The following GRK3 variants were observed in gnomAD, a reference collection of about 807,000 sequenced individuals.
The protein encoded by GRK3 is G protein-coupled receptor kinase 3.
In GRK3, 54 loss-of-function variants were observed where a neutral mutation model predicts 95.7. That is an observed-to-expected ratio of 0.56 (90% CI 0.45 to 0.71). The LOEUF (loss-of-function observed/expected upper bound fraction) is 0.71, where lower values mean the gene tolerates loss of function less well. Ranked by LOEUF, GRK3 falls within the 30% of genes least tolerant of loss-of-function variation. The pLI is 0.00. For synonymous variants in GRK3, 281 were observed against 290.8 expected (o/e 0.97, Z 0.34); for missense variants, 649 against 851.2 (o/e 0.76, Z 2.96).
chr22:25,616,725 TA>T (rs2084542026), intron 2 of GRK3, among the ~76,000 whole-genome samples: 1 of 152,156 alleles, frequency 6.6e-6, no homozygotes, highest in South Asian at 2.1e-4. Context: ...TGTAAGAAAT[TA>T]TGTTGCAGTA....
At chr22:25,627,520 A>T (rs1168676455) in intron 2 of GRK3, among the ~76,000 whole-genome samples, 1 of 152,206 alleles carries the variant, frequency 6.6e-6, no homozygotes, top group Non-Finnish European at 1.5e-5. Context: ...ATAGCCCGTT[A>T]ATCTTTCCAA....
At position 25,711,095 on chromosome 22, in the gene GRK3, G is replaced by A. The variant is rs2146464375; in HGVS notation, c.1423G>A (p.Gly475Arg). Residue 475 changes from glycine (G) to arginine (R), a missense_variant, in exon 17 of 21, where the codon GGA becomes AGA. Gly to Arg is a moderately radical substitution (Grantham distance 125). Coordinates refer to ENST00000324198, the MANE Select transcript of GRK3 (RefSeq NM_005160.4). ...KYPPPLIPPR[G>R]EVNAADAFDI... ...CCCACCACCCTTGATTCCTCCCCGG[G>A]GAGAAGTCAATGCTGCTGATGCCTT... 1 of 1,613,696 alleles carries A rather than the reference G, an allele frequency of 6.2e-7. No individual in the cohort carries two copies. The highest frequency in any genetic ancestry group is 1.7e-5 in the Admixed American group (1 of 59,880).
At chr22:25,688,099 G>C (rs975163290) in intron 11 of GRK3, among the ~76,000 whole-genome samples, 1 of 152,022 alleles carries the variant, frequency 6.6e-6, no homozygotes, top group Non-Finnish European at 1.5e-5. Flanking sequence ...AGCCGGGCGT[G>C]GTGGCAGGTG....
chr22:25,642,236 C>T (rs1446225276), intron 2 of GRK3, among the ~76,000 whole-genome samples: 1 of 152,154 alleles, frequency 6.6e-6, no homozygotes, highest in African/African-American at 2.4e-5. Flanking sequence ...AGATCGAGAC[C>T]AGTCTGGCCA....
chr22:25,722,161 T>C lies in GRK3; in HGVS notation c.1906-128T>C, dbSNP rs1027173460. 12 of 998,410 alleles carry C rather than the reference T, an allele frequency of 1.2e-5. No individual in the cohort carries two copies. The African/African-American group carries it at 1.9e-4, about 16-fold the overall frequency. 61.8% of individuals were successfully genotyped at this position (998,410 alleles called of 1,614,324 possible). ...GTGACCCATCAGCTAGTAATGCCAC[T>C]GGGGGTGGACACGTAGGGTGTGCTT... On this transcript the variant is annotated intron_variant, in intron 20 of 20. Transcript: ENST00000324198.
chr22:25,713,858 G>A (rs986551559), intron 17 of GRK3, among the ~76,000 whole-genome samples: 1 of 152,146 alleles, frequency 6.6e-6, no homozygotes, highest in Admixed American at 6.5e-5. Context: ...TTATACATAT[G>A]ATTATGATGT....
At chr22:25,681,474 C>G (rs2085073604) in intron 9 of GRK3, among the ~76,000 whole-genome samples, 1 of 151,130 alleles carries the variant, frequency 6.6e-6, no homozygotes, top group African/African-American at 2.4e-5. Context: ...TTGGGGGAAT[C>G]AGATGAGGGG....
chr22:25,608,357 A>G (rs1380798182), intron 2 of GRK3, among the ~76,000 whole-genome samples: 1 of 152,144 alleles, frequency 6.6e-6, no homozygotes, highest in East Asian at 1.9e-4. Flanking sequence ...ATATATTTTA[A>G]TTAGAAAGGT....
chr22:25,612,258 T>C (rs1388648384), intron 2 of GRK3, among the ~76,000 whole-genome samples: 1 of 152,228 alleles, frequency 6.6e-6, no homozygotes, highest in Non-Finnish European at 1.5e-5. Flanking sequence ...AGTATATTTT[T>C]GTCTGTGGTG....
chr22:25,586,670 G>GAGT (rs1458967717), intron 1 of GRK3, among the ~76,000 whole-genome samples: 1 of 152,276 alleles, frequency 6.6e-6, no homozygotes, highest in Non-Finnish European at 1.5e-5. Flanking sequence ...CATGGAGGAT[G>GAGT]AGTAGGAGAT....
chr22:25,649,095 C>G (rs1392785139), intron 3 of GRK3: 22 of 1,530,196 alleles, frequency 1.4e-5, no homozygotes, highest in Non-Finnish European at 2.0e-5. Flanking sequence ...TCAGGGCTGT[C>G]CAGAATCCCT....
chr22:25,615,679 A>C (rs925258580), intron 2 of GRK3, among the ~76,000 whole-genome samples: 3 of 140,718 alleles, frequency 2.1e-5, no homozygotes, highest in Non-Finnish European at 4.6e-5. Context: ...GCAGAAATCC[A>C]CACCCTTATG....
chr22:25,683,351 G>T (rs2085089319), intron 9 of GRK3, among the ~76,000 whole-genome samples: 1 of 152,132 alleles, frequency 6.6e-6, no homozygotes. Context: ...CAGGTATCTT[G>T]GTGCACATAA....
At chr22:25,647,271 A>G in intron 3 of GRK3, 1 of 981,044 alleles carries the variant, frequency 1.0e-6, no homozygotes, top group South Asian at 1.3e-5. Flanking sequence ...AATGGGCTGC[A>G]TTAAAAGCAA....
intron 13 of GRK3, among the ~76,000 whole-genome samples, chr22:25,701,364 C>G (rs2085257604): frequency 6.6e-6 from 1 of 152,120 alleles, no homozygotes; most frequent in Admixed American, 6.5e-5. Context: ...AAAGAATAAT[C>G]AAGAATATAT....
chr22:25,693,142 C>A (rs2085178640), intron 12 of GRK3, among the ~76,000 whole-genome samples: 2 of 152,202 alleles, frequency 1.3e-5, no homozygotes, highest in Non-Finnish European at 2.9e-5. Context: ...TGAGTACTAG[C>A]TTATTTTATC....
intron 1 of GRK3, among the ~76,000 whole-genome samples, chr22:25,596,109 T>C (rs980185603): frequency 2.0e-5 from 3 of 152,184 alleles, no homozygotes; most frequent in African/African-American, 7.2e-5. Context: ...AGGAATTGTA[T>C]GGAAAAACTG....
intron 1 of GRK3, among the ~76,000 whole-genome samples, chr22:25,588,399 G>A (rs2146325423): frequency 6.6e-6 from 1 of 152,334 alleles, no homozygotes; most frequent in East Asian, 1.9e-4. Context: ...AGATTGTCCT[G>A]TGCTGAATTG....
chr22:25,575,615 G>T (rs1010787145), intron 1 of GRK3, among the ~76,000 whole-genome samples: 8 of 152,174 alleles, frequency 5.3e-5, no homozygotes, highest in African/African-American at 1.9e-4. Flanking sequence ...CCCCATGGTA[G>T]ATAGTCATTT....
Sources: gnomAD v4.1 joint callset for allele counts (sites outside exome capture counted in the v4.1 genomes callset) on GRCh38, gnomAD v4.1.1 for gene constraint, MANE v1.5 for transcripts, NCBI Gene and HGNC (gene_info 2026-07-23, HGNC 2026-07-21) for gene names.